Variants in C17orf67 observed in about 807,000 individuals in gnomAD.
C17orf67 encodes chromosome 17 open reading frame 67.
Under a neutral mutation model 11.2 loss-of-function variants are expected in C17orf67, and 12 were observed. That is an observed-to-expected ratio of 1.07 (90% confidence interval 0.68 to 1.73). The LOEUF (loss-of-function observed/expected upper bound fraction) is 1.73, where lower values mean the gene tolerates loss of function less well. Ranked by LOEUF, C17orf67 falls within the 40% of genes most tolerant of loss-of-function variation. The pLI is 0.00. For missense variants in C17orf67, 115 were observed against 113.5 expected (o/e 1.01, Z -0.06); for synonymous variants, 59 against 46.9 (o/e 1.26, Z -1.05).
At chr17:56,829,252 G>T (rs1412299182) in intron 2 of C17orf67, among the ~76,000 whole-genome samples, 2 of 151,726 alleles carry the variant, frequency 1.3e-5, no homozygotes, top group Non-Finnish European at 2.9e-5. Context: ...CTCCAGCCTG[G>T]GCAACAAGAG....
intron 6 of C17orf67, among the ~76,000 whole-genome samples, chr17:56,797,291 G>C (rs1251545933): frequency 1.3e-5 from 2 of 152,196 alleles, no homozygotes; most frequent in Non-Finnish European, 2.9e-5. Flanking sequence ...GCAGGGCCAA[G>C]GGTGGAGAAC....
At chr17:56,817,770 A>C (rs2144138546) in intron 4 of C17orf67, among the ~76,000 whole-genome samples, 1 of 152,250 alleles carries the variant, frequency 6.6e-6, no homozygotes, top group South Asian at 2.1e-4. Context: ...ATTTGCTCAA[A>C]ATTCAATATT....
At chr17:56,812,846 CA>C (rs1477841872) in intron 6 of C17orf67, among the ~76,000 whole-genome samples, 1 of 152,112 alleles carries the variant, frequency 6.6e-6, no homozygotes, top group Non-Finnish European at 1.5e-5. Flanking sequence ...AGTTTTTGAG[CA>C]GGGGAAGGAC....
intron 6 of C17orf67, among the ~76,000 whole-genome samples, chr17:56,808,820 C>T (rs140430152): frequency 2.0e-5 from 3 of 152,338 alleles, no homozygotes; most frequent in Non-Finnish European, 4.4e-5. Flanking sequence ...AAACATGGCT[C>T]AGTAGATCTT....
chr17:56,795,333 G>T, intron 6 of C17orf67, 153 bp from the exon 7 acceptor site: 1 of 670,230 alleles, frequency 1.5e-6, no homozygotes, highest in East Asian at 2.7e-5. Context: ...TCTCTGTAGG[G>T]AAGACCAGTC....
At chr17:56,806,362 T>C (rs976355829) in intron 6 of C17orf67, among the ~76,000 whole-genome samples, 3 of 152,226 alleles carry the variant, frequency 2.0e-5, no homozygotes, top group African/African-American at 7.2e-5. Context: ...TTTTTAATTA[T>C]ACAAGTAATT....
intron 5 of C17orf67, among the ~76,000 whole-genome samples, chr17:56,815,170 G>A (rs1402656943): frequency 6.6e-6 from 1 of 152,214 alleles, no homozygotes. Flanking sequence ...ATTACTCAGA[G>A]CAAAAGCTGC....
At chr17:56,792,951 ATGG>A (rs1181867070) in intron 7 of C17orf67, among the ~76,000 whole-genome samples, 1 of 104,714 alleles carries the variant, frequency 9.5e-6, no homozygotes, top group Non-Finnish European at 2.2e-5. Flanking sequence ...GATGGTGGCG[ATGG>A]TGGTGATGGT....
At chr17:56,829,255 A>T (rs1473083657) in intron 2 of C17orf67, among the ~76,000 whole-genome samples, 1 of 152,186 alleles carries the variant, frequency 6.6e-6, no homozygotes, top group Non-Finnish European at 1.5e-5. Flanking sequence ...CAGCCTGGGC[A>T]ACAAGAGCAA....
intron 6 of C17orf67, among the ~76,000 whole-genome samples, chr17:56,811,480 T>G (rs1345232124): frequency 6.6e-6 from 1 of 151,874 alleles, no homozygotes; most frequent in East Asian, 1.9e-4. Context: ...AGCTCGAGAC[T>G]CTCTTCTTGC....
chr17:56,792,987 ATGT>A (rs375181226), intron 7 of C17orf67, among the ~76,000 whole-genome samples: 271 of 144,928 alleles, frequency 1.9e-3, no homozygotes, highest in African/African-American at 6.5e-3. Context: ...GATGGTGATG[ATGT>A]TGGTGGTGGT....
intron 2 of C17orf67, among the ~76,000 whole-genome samples, chr17:56,826,195 C>A (rs986069115): frequency 3.3e-5 from 5 of 152,190 alleles, no homozygotes; most frequent in African/African-American, 1.2e-4. Flanking sequence ...CTCAAGGGAT[C>A]CACCTGCCTT....
chr17:56,804,784 T>G (rs945506354), intron 6 of C17orf67, among the ~76,000 whole-genome samples: 2 of 152,218 alleles, frequency 1.3e-5, no homozygotes, highest in African/African-American at 4.8e-5. Flanking sequence ...TCAAGCTTTA[T>G]TCAAGCTTCA....
intron 6 of C17orf67, among the ~76,000 whole-genome samples, chr17:56,799,335 T>C (rs909872307): frequency 2.0e-5 from 3 of 152,260 alleles, no homozygotes; most frequent in African/African-American, 4.8e-5. Flanking sequence ...GAACATGTAA[T>C]TGAATTTTCA....
At chr17:56,826,122 T>C (rs2144150002) in intron 2 of C17orf67, among the ~76,000 whole-genome samples, 1 of 152,230 alleles carries the variant, frequency 6.6e-6, no homozygotes, top group South Asian at 2.1e-4. Flanking sequence ...ACCCAGCTAA[T>C]TTTTTATTTT....
intron 4 of C17orf67, among the ~76,000 whole-genome samples, chr17:56,823,892 G>T (rs996519551): frequency 6.6e-6 from 1 of 152,158 alleles, no homozygotes; most frequent in Non-Finnish European, 1.5e-5. Context: ...AAAAAAATGA[G>T]CTATCAGGCC....
chr17:56,795,144 C>G lies in C17orf67; in HGVS notation c.193G>C (p.Ala65Pro). 6.2e-7 allele frequency: 1 copy of G among 1,614,134 alleles called. No homozygotes were observed. The highest frequency in any genetic ancestry group is 8.5e-7 in the Non-Finnish European group (1 of 1,180,028). The change falls in exon 7 of 8, where the codon GCT (alanine) becomes CCT (proline). Residue 65 changes from alanine to proline, a missense_variant. Transcript: ENST00000397861. The stretch of plus-strand genomic sequence containing the variant: ...CAGTGCTCCAGGAACTGCTCCTCAG[C>G]GCGATGCTCCAGGGCGAGCAGGTGG... Reference protein sequence around the residue: ...MHHLLALEHRAEEQFLEHWLN... With the variant: ...MHHLLALEHRPEEQFLEHWLN...
intron 7 of C17orf67, among the ~76,000 whole-genome samples, chr17:56,793,077 G>C (rs995216925): frequency 1.3e-5 from 2 of 151,722 alleles, no homozygotes; most frequent in African/African-American, 4.9e-5. Context: ...AAGAGGACGA[G>C]TAGACCAAGG....
intron 2 of C17orf67, among the ~76,000 whole-genome samples, chr17:56,831,433 G>C (rs1272943959): frequency 1.3e-5 from 2 of 152,162 alleles, no homozygotes; most frequent in African/African-American, 4.8e-5. Flanking sequence ...AGGAGACTTG[G>C]GAACAGGACC....
Sources: gnomAD v4.1 joint callset for allele counts (sites outside exome capture counted in the v4.1 genomes callset) on GRCh38, gnomAD v4.1.1 for gene constraint, MANE v1.5 for transcripts, NCBI Gene and HGNC (gene_info 2026-07-23, HGNC 2026-07-21) for gene names.